Variants in ZFP62 observed in about 807,000 individuals in gnomAD.
The protein encoded by ZFP62 is zinc finger protein 62 homolog.
ZFP62 carries 44 observed loss-of-function variants against 56.4 expected under a neutral mutation model. The ratio of observed to expected loss-of-function variants is 0.78; its 90% CI spans 0.61 to 1.00. The LOEUF is 1.00. Among genes scored for constraint, ZFP62 ranks in the 50% least tolerant of loss-of-function variants. The pLI is 0.00. For synonymous variants in ZFP62, 421 were observed against 388.9 expected (o/e 1.08, Z -0.97); for missense variants, 1,030 against 1,085.7 (o/e 0.95, Z 0.72).
At chr5:180,839,897 C>A in the ZFP62 span, among the ~76,000 whole-genome samples, 1 of 152,218 alleles carries the variant, frequency 6.6e-6, no homozygotes, top group Admixed American at 6.5e-5. Context: ...TGTTTTTTCT[C>A]TGCCCCACCC....
downstream of ZFP62, chr5:180,845,956 T>A (rs1446093693): frequency 1.5e-6 from 1 of 680,174 alleles, no homozygotes; most frequent in East Asian, 1.4e-4. Flanking sequence ...TGGAAGGCTA[T>A]TCCATACTCA....
the ZFP62 span, among the ~76,000 whole-genome samples, chr5:180,826,987 T>C: frequency 6.6e-6 from 1 of 152,210 alleles, no homozygotes; most frequent in Non-Finnish European, 1.5e-5. Flanking sequence ...AATTGAGTGC[T>C]GGGGAAGGCT....
At chr5:180,859,158 C>T (rs1226171049) in intron 1 of ZFP62, among the ~76,000 whole-genome samples, 2 of 152,218 alleles carry the variant, frequency 1.3e-5, no homozygotes, top group African/African-American at 4.8e-5. Flanking sequence ...TATTAACAGA[C>T]TGCAACTAGC....
intron 1 of ZFP62, among the ~76,000 whole-genome samples, chr5:180,852,947 T>C (rs1773789114): frequency 6.6e-6 from 1 of 152,250 alleles, no homozygotes; most frequent in South Asian, 2.1e-4. Context: ...ACACTGTTGA[T>C]AAGGCTGTGG....
the ZFP62 span, among the ~76,000 whole-genome samples, chr5:180,841,367 C>T: frequency 6.6e-6 from 1 of 151,352 alleles, no homozygotes; most frequent in Non-Finnish European, 1.5e-5. Flanking sequence ...GAACTTGAGG[C>T]GAGGATTTTT....
intron 1 of ZFP62, among the ~76,000 whole-genome samples, chr5:180,856,639 A>T (rs1275646163): frequency 2.0e-5 from 3 of 152,168 alleles, no homozygotes; most frequent in East Asian, 1.9e-4. Flanking sequence ...AGAGTCTGGT[A>T]GGAAAATAAC....
chr5:180,845,524 G>GAC (rs1263452427), downstream of ZFP62, among the ~76,000 whole-genome samples: 1 of 152,018 alleles, frequency 6.6e-6, no homozygotes, highest in Non-Finnish European at 1.5e-5. Context: ...TTCGCACAAT[G>GAC]ACACTATCCA....
At chr5:180,856,736 TGAGATCAG>T (rs1773997978) in intron 1 of ZFP62, among the ~76,000 whole-genome samples, 3 of 150,446 alleles carry the variant, frequency 2.0e-5, no homozygotes, top group Non-Finnish European at 4.4e-5. Context: ...GGGCAGATCA[TGAGATCAG>T]GAGATCGAGA....
At chr5:180,832,295 G>A in the ZFP62 span, among the ~76,000 whole-genome samples, 2 of 152,170 alleles carry the variant, frequency 1.3e-5, no homozygotes, top group African/African-American at 4.8e-5. Context: ...CGGGACTACA[G>A]GGGTGCACCA....
chr5:180,854,368 G>C (rs138086750), intron 1 of ZFP62, among the ~76,000 whole-genome samples: 1 of 152,178 alleles, frequency 6.6e-6, no homozygotes, highest in Admixed American at 6.5e-5. Flanking sequence ...GTACAAACAG[G>C]GGAGAAAGGG....
chr5:180,829,957 A>T, the ZFP62 span: 1 of 152,212 alleles, frequency 6.6e-6, no homozygotes, highest in African/African-American at 2.4e-5. Context: ...AAGAATCTCA[A>T]GGTTGGAAAA....
intron 1 of ZFP62, chr5:180,852,124 A>T: frequency 1.6e-6 from 1 of 636,880 alleles, no homozygotes; most frequent in Non-Finnish European, 2.0e-6. Flanking sequence ...GTACATAGAC[A>T]GGCAAATGGA....
rs765425002 is a variant in ZFP62 at position 180,850,439 on chromosome 5, G to A, written c.1056C>T (p.Leu352=). Residue 352 remains leucine (L), a synonymous_variant, in exon 2 of 2, where the codon CTC becomes CTT. Coordinates refer to ENST00000502412, the MANE Select transcript of ZFP62 (RefSeq NM_001172638.2). ...CEKSFNYSSL[L]IQHKVIHTGE... Reference sequence around the variant, plus strand: ...CAGTGTGGATGACTTTATGCTGAATGAGAAGAGAGCTATAATTAAAAGATT... The same window carrying A: ...CAGTGTGGATGACTTTATGCTGAATAAGAAGAGAGCTATAATTAAAAGATT... 6.4e-7 allele frequency: 1 copy of A among 1,554,106 alleles called. No homozygotes were observed. The highest frequency in any genetic ancestry group is 8.7e-7 in the Non-Finnish European group (1 of 1,148,500).
intron 1 of ZFP62, among the ~76,000 whole-genome samples, chr5:180,856,222 C>T (rs1159001108): frequency 2.0e-5 from 3 of 152,134 alleles, no homozygotes; most frequent in Admixed American, 6.5e-5. Flanking sequence ...CATGATGTCC[C>T]GTCACCTGAT....
chr5:180,858,019 G>A (rs1220171264), intron 1 of ZFP62, among the ~76,000 whole-genome samples: 1 of 150,930 alleles, frequency 6.6e-6, no homozygotes, highest in Non-Finnish European at 1.5e-5. Flanking sequence ...TTCGGAGGCC[G>A]AGGCAGGTGG....
At position 180,849,666 on chromosome 5, in the gene ZFP62, ACT is replaced by A. The variant is rs1773574963; in HGVS notation, c.1827_1828del (p.Lys609AsnfsTer11). The A allele has an allele frequency of 6.4e-7, 1 of 1,551,772 alleles. No individual in the cohort carries two copies. The highest frequency in any genetic ancestry group is 2.0e-5 in the Admixed American group (1 of 50,988). On this transcript the variant is annotated frameshift_variant, in exon 2 of 2. Coordinates refer to ENST00000502412, the MANE Select transcript of ZFP62 (RefSeq NM_001172638.2). LOFTEE classifies it high-confidence loss of function. ...TTTGTAGGGCTTCTCCCCAAGATGA[ACT>A]TTTTTGTGGTTTGTAAGGGTTCGGT...
chr5:180,845,902 C>A (rs1773401334), downstream of ZFP62: 1 of 984,716 alleles, frequency 1.0e-6, no homozygotes, highest in Non-Finnish European at 1.2e-6. Context: ...ATTTTCCAGG[C>A]TTTCACCTTC....
chr5:180,856,420 G>T (rs1248320934), intron 1 of ZFP62, among the ~76,000 whole-genome samples: 1 of 152,120 alleles, frequency 6.6e-6, no homozygotes, highest in African/African-American at 2.4e-5. Flanking sequence ...ACAATACAAA[G>T]AATGTAACAC....
Position 180,847,653 on chromosome 5 carries a change from C to T in ZFP62, c.*1139G>A, listed in dbSNP as rs1304583610. The T allele has an allele frequency of 9.1e-6, 9 of 985,314 alleles. No individual in the cohort carries two copies. Among genetic ancestry groups the T allele is most frequent in the African/African-American group, 5.2e-5 (3 of 57,234 alleles). The allele number at this position is 985,314 out of a possible 1,614,324, so 61.0% of individuals were successfully genotyped here. A position where few individuals can be genotyped will look rare whatever the true frequency, so the allele number is the denominator to read the frequency against. ...TCTTTATTGGAATTCCACTTTACCTCGCCACAAGGAGCTGGCTTTCATGAC... is the reference window on the plus strand; with the variant it reads ...TCTTTATTGGAATTCCACTTTACCTTGCCACAAGGAGCTGGCTTTCATGAC... On this transcript the variant is annotated 3_prime_UTR_variant, in exon 2 of 2. Transcript: ENST00000502412.
Sources: allele counts gnomAD v4.1 joint callset (sites outside exome capture counted in the v4.1 genomes callset), GRCh38; gene constraint gnomAD v4.1.1; transcripts MANE v1.5; gene names NCBI Gene and HGNC (gene_info 2026-07-23, HGNC 2026-07-21).